DOCK2: variants seen among roughly 807,000 people sequenced by gnomAD.
DOCK2 encodes the protein dedicator of cytokinesis protein 2.
DOCK2 carries 87 observed loss-of-function variants against 248.9 expected under a neutral mutation model. That is an observed-to-expected ratio of 0.35 (90% confidence interval 0.29 to 0.42). The LOEUF (loss-of-function observed/expected upper bound fraction) is 0.42, where lower values mean the gene tolerates loss of function less well. Among genes scored for constraint, DOCK2 ranks in the 10% least tolerant of loss-of-function variants. The probability of loss-of-function intolerance (pLI) is 1.00; values close to 1 mark genes in which losing one functional copy is unlikely to be tolerated. For missense variants in DOCK2, 1,747 were observed against 2,300.2 expected, an observed-to-expected ratio of 0.76 and a Z score of 4.92; for synonymous variants, 805 against 821.6, an observed-to-expected ratio of 0.98 and a Z score of 0.35.
intron 26 of DOCK2, among the ~76,000 whole-genome samples, chr5:169,827,789 GCTGGGGA>G (rs1768963585): frequency 6.6e-6 from 1 of 152,232 alleles, no homozygotes; most frequent in Non-Finnish European, 1.5e-5. Context: ...TCCAGAAAGA[GCTGGGGA>G]TGATGGTGTT....
intron 15 of DOCK2, among the ~76,000 whole-genome samples, chr5:169,709,741 G>A (rs754927061): frequency 1.1e-4 from 17 of 151,944 alleles, no homozygotes; most frequent in Admixed American, 2.0e-4. Context: ...AAATTCATAC[G>A]TTAAATGTAT....
chr5:169,868,410 C>A (rs1214314931), intron 27 of DOCK2, among the ~76,000 whole-genome samples: 2 of 152,180 alleles, frequency 1.3e-5, no homozygotes, highest in African/African-American at 4.8e-5. Context: ...AATAAACAAA[C>A]AATGACAACA....
chr5:169,922,922 A>G lies in DOCK2; in HGVS notation c.2800-60146A>G, dbSNP rs571919115. The stretch of plus-strand genomic sequence containing the variant: ...TATTTAACAAACACCTGTACAGTAC[A>G]GTGTTTATTGTCATTACAGGCAAGC... On this transcript the variant is annotated intron_variant, in intron 27 of 51. Coordinates refer to ENST00000520908, the MANE Select transcript of DOCK2 (RefSeq NM_004946.3). 2.0e-5 allele frequency among the ~76,000 whole-genome samples: 3 copies of G among 152,360 alleles called. No individual in the cohort carries two copies. In the East Asian group the frequency reaches 5.8e-4, roughly 29 times the overall value.
intron 26 of DOCK2, among the ~76,000 whole-genome samples, chr5:169,810,722 C>A (rs912352442): frequency 6.6e-6 from 1 of 152,160 alleles, no homozygotes; most frequent in Non-Finnish European, 1.5e-5. Flanking sequence ...TTTCCTGCTT[C>A]CTTAAAGTTC....
At chr5:169,784,334 G>T (rs1765873475) in intron 25 of DOCK2, among the ~76,000 whole-genome samples, 1 of 152,134 alleles carries the variant, frequency 6.6e-6, no homozygotes, top group African/African-American at 2.4e-5. Context: ...AAGTTGAGTG[G>T]CTCCTTGGAG....
At chr5:169,794,351 A>G (rs887841910) in intron 25 of DOCK2, among the ~76,000 whole-genome samples, 1 of 152,172 alleles carries the variant, frequency 6.6e-6, no homozygotes, top group African/African-American at 2.4e-5. Context: ...AGTCCTCTTC[A>G]TCCAAACTTC....
chr5:169,814,643 A>G (rs1389919398), intron 26 of DOCK2, among the ~76,000 whole-genome samples: 1 of 152,208 alleles, frequency 6.6e-6, no homozygotes, highest in Non-Finnish European at 1.5e-5. Context: ...TCTCTGTACC[A>G]TCTATGCAAC....
At chr5:170,049,491 A>G (rs1051049331) in intron 40 of DOCK2, among the ~76,000 whole-genome samples, 2 of 152,208 alleles carry the variant, frequency 1.3e-5, no homozygotes, top group African/African-American at 4.8e-5. Flanking sequence ...GTAGAGATGT[A>G]TGACAGATGT....
At chr5:169,911,789 A>G (rs1774611709) in intron 27 of DOCK2, among the ~76,000 whole-genome samples, 1 of 152,232 alleles carries the variant, frequency 6.6e-6, no homozygotes, top group Non-Finnish European at 1.5e-5. Flanking sequence ...TTGGGTCACC[A>G]AGTTACATCA....
At chr5:169,716,124 T>C in intron 19 of DOCK2, 89 bp from the exon 20 acceptor site, 1 of 1,167,392 alleles carries the variant, frequency 8.6e-7, no homozygotes, top group Non-Finnish European at 1.3e-6. Flanking sequence ...GTGCTCTCAT[T>C]CTCTTATAGA....
At chr5:170,081,542 C>T (rs1034138526) in intron 50 of DOCK2, 2 of 376,100 alleles carry the variant, frequency 5.3e-6, no homozygotes, top group African/African-American at 4.1e-5. Context: ...CTCACACTGT[C>T]CCCTGCCTTG....
intron 26 of DOCK2, among the ~76,000 whole-genome samples, chr5:169,820,127 T>C (rs1768334598): frequency 6.6e-6 from 1 of 152,102 alleles, no homozygotes; most frequent in Non-Finnish European, 1.5e-5. Context: ...GCCAGGAAGC[T>C]CAAACTGGGT....
chr5:169,798,088 T>C (rs1284469069), intron 25 of DOCK2, among the ~76,000 whole-genome samples: 1 of 152,198 alleles, frequency 6.6e-6, no homozygotes, highest in African/African-American at 2.4e-5. Flanking sequence ...GCAGCTGCCT[T>C]TCAGGTTGAT....
intron 2 of DOCK2, 85 bp from the exon 3 acceptor site, chr5:169,669,203 T>C (rs1758901187): frequency 3.3e-6 from 5 of 1,537,004 alleles, no homozygotes; most frequent in African/African-American, 1.4e-5. Flanking sequence ...TTTACTAGTT[T>C]AAAACAAAAC....
rs1763623793 is a variant in DOCK2 at position 169,746,529 on chromosome 5, G to A, written c.2268-867G>A. Reference sequence around the variant, plus strand: ...ACTCTCTTTATCTGAATTGGAGACAGGAGCACTCTTCTGTGCATTTCACAC... The same window carrying A: ...ACTCTCTTTATCTGAATTGGAGACAAGAGCACTCTTCTGTGCATTTCACAC... On this transcript the variant is annotated intron_variant, in intron 22 of 51. Coordinates refer to ENST00000520908, the MANE Select transcript of DOCK2 (RefSeq NM_004946.3). Among the ~76,000 whole-genome samples the A allele has an allele frequency of 2.0e-5, 3 of 152,288 alleles. 1 individual carries two copies. The highest frequency in any genetic ancestry group is 7.2e-5 in the African/African-American group (3 of 41,572).
chr5:169,909,085 T>TTTCAGTA (rs1774452054), intron 27 of DOCK2, among the ~76,000 whole-genome samples: 1 of 152,220 alleles, frequency 6.6e-6, no homozygotes, highest in Non-Finnish European at 1.5e-5. Context: ...TAGCTGCTGC[T>TTTCAGTA]GATGTGAGGA....
chr5:170,081,795 C>T, intron 50 of DOCK2, 47 bp from the exon 51 acceptor site: 1 of 1,552,652 alleles, frequency 6.4e-7, no homozygotes, highest in South Asian at 1.2e-5. Flanking sequence ...AAGGCACTGC[C>T]CCTCCTCTAC....
chr5:169,949,589 A>G (rs1776580184), intron 27 of DOCK2, among the ~76,000 whole-genome samples: 1 of 151,582 alleles, frequency 6.6e-6, no homozygotes. Flanking sequence ...CAGCTTTTTA[A>G]TGGTGGGGGT....
At chr5:169,661,397 G>C (rs1409660444) in intron 2 of DOCK2, among the ~76,000 whole-genome samples, 2 of 152,190 alleles carry the variant, frequency 1.3e-5, no homozygotes, top group African/African-American at 4.8e-5. Context: ...AGTTACGATA[G>C]TGAAACAAAT....
Sources: gnomAD v4.1 joint callset for allele counts (sites outside exome capture counted in the v4.1 genomes callset) on GRCh38, gnomAD v4.1.1 for gene constraint, MANE v1.5 for transcripts, NCBI Gene and HGNC (gene_info 2026-07-23, HGNC 2026-07-21) for gene names.